GRIA2: variants seen among roughly 807,000 people sequenced by gnomAD.
GRIA2 encodes glutamate receptor 2.
Under a neutral mutation model 97.3 loss-of-function variants are expected in GRIA2, and 14 were observed. The ratio of observed to expected loss-of-function variants is 0.14; its 90% CI spans 0.10 to 0.23. GRIA2 has a LOEUF of 0.23. GRIA2 is among the 10% of genes least tolerant of loss of function. GRIA2 has a pLI of 1.00. For synonymous variants in GRIA2, 412 were observed against 387.8 expected (o/e 1.06, Z -0.73); for missense variants, 558 against 1,069.8 (o/e 0.52, Z 6.67).
chr4:157,235,482 G>A (rs1730202450), intron 2 of GRIA2, among the ~76,000 whole-genome samples: 1 of 151,680 alleles, frequency 6.6e-6, no homozygotes, highest in Non-Finnish European at 1.5e-5. Context: ...CCTATACGTT[G>A]GGCCTAGATT....
intron 2 of GRIA2, among the ~76,000 whole-genome samples, chr4:157,247,840 G>A (rs907272173): frequency 3.9e-5 from 6 of 152,068 alleles, no homozygotes; most frequent in African/African-American, 1.4e-4. Flanking sequence ...GCAGGTGCAG[G>A]CAGAAGGGGC....
chr4:157,305,422 A>G (rs1331499908), intron 3 of GRIA2, among the ~76,000 whole-genome samples: 1 of 152,088 alleles, frequency 6.6e-6, no homozygotes, highest in African/African-American at 2.4e-5. Flanking sequence ...AATTACTGTT[A>G]AAAAATTTTT....
intron 4 of GRIA2, among the ~76,000 whole-genome samples, chr4:157,313,548 C>A (rs1182554186): frequency 6.6e-6 from 1 of 152,006 alleles, no homozygotes; most frequent in Non-Finnish European, 1.5e-5. Context: ...TAAGGTCTTT[C>A]AGGGTAGGGG....
At chr4:157,248,541 ATG>A (rs1217534268) in intron 2 of GRIA2, among the ~76,000 whole-genome samples, 1 of 108,940 alleles carries the variant, frequency 9.2e-6, no homozygotes, top group South Asian at 2.4e-4. Flanking sequence ...GTGTGTGTTT[ATG>A]TGTGTGTGTG....
chr4:157,237,801 G>A (rs572089838), intron 2 of GRIA2, among the ~76,000 whole-genome samples: 11 of 152,208 alleles, frequency 7.2e-5, no homozygotes, highest in South Asian at 2.1e-4. Context: ...GAACATTAAC[G>A]GAGCCCAGAG....
chr4:157,324,565 G>T (rs763032180), intron 6 of GRIA2, among the ~76,000 whole-genome samples: 4 of 152,182 alleles, frequency 2.6e-5, no homozygotes, highest in African/African-American at 9.6e-5. Flanking sequence ...AGAAAAGTGT[G>T]AGAAGTTGCT....
rs1729461126 is a variant in GRIA2 at position 157,220,869 on chromosome 4, A to G, written c.-174A>G. On this transcript the variant is annotated 5_prime_UTR_variant, in exon 1 of 16. Coordinates refer to ENST00000264426, the MANE Select transcript of GRIA2 (RefSeq NM_001083619.3). ...GCGCAGGGCATCAGCAGCCACCAGCAGGACCTGGGAAATAGGGATTCTTCT... is the reference window on the plus strand; with the variant it reads ...GCGCAGGGCATCAGCAGCCACCAGCGGGACCTGGGAAATAGGGATTCTTCT... 5.0e-6 allele frequency: 3 copies of G among 603,528 alleles called. No individual in the cohort carries two copies. Among genetic ancestry groups the G allele is most frequent in the Non-Finnish European group, 8.9e-6 (3 of 337,676 alleles). The allele number at this position is 603,528 out of a possible 1,614,324, so 37.4% of individuals were successfully genotyped here. A position where few individuals can be genotyped will look rare whatever the true frequency, so the allele number is the denominator to read the frequency against.
chr4:157,301,473 A>G (rs1733611478), intron 2 of GRIA2, among the ~76,000 whole-genome samples: 1 of 152,206 alleles, frequency 6.6e-6, no homozygotes, highest in Non-Finnish European at 1.5e-5. Context: ...TTTGTAGAAG[A>G]TTGGTAATAA....
chr4:157,254,095 C>A (rs1454756893), intron 2 of GRIA2, among the ~76,000 whole-genome samples: 5 of 150,446 alleles, frequency 3.3e-5, no homozygotes, highest in African/African-American at 1.2e-4. Flanking sequence ...TTTTTTCTGT[C>A]TAGAAATCCA....
At position 157,347,887 on chromosome 4, in the gene GRIA2, A is replaced by G. The variant is rs1183209519; in HGVS notation, c.2043+6425A>G. Among the ~76,000 whole-genome samples the G allele has an allele frequency of 2.0e-5, 3 of 152,198 alleles. No individual in the cohort carries two copies. The East Asian group carries it at 5.8e-4, about 29-fold the overall frequency. On this transcript the variant is annotated intron_variant, in intron 12 of 15. Coordinates refer to ENST00000264426, the MANE Select transcript of GRIA2 (RefSeq NM_001083619.3). Reference sequence around the variant, plus strand: ...ATGCCTGTAATCCCAACACTTTGGGAGGCCAAGGCAGGCAGATCTCGAGGT... The same window carrying G: ...ATGCCTGTAATCCCAACACTTTGGGGGGCCAAGGCAGGCAGATCTCGAGGT...
chr4:157,280,919 A>G (rs976853468), intron 2 of GRIA2, among the ~76,000 whole-genome samples: 11 of 152,068 alleles, frequency 7.2e-5, no homozygotes, highest in Admixed American at 2.0e-4. Flanking sequence ...AAAGATACAC[A>G]TATTACACAC....
chr4:157,327,346 T>C (rs1734848413), intron 6 of GRIA2, among the ~76,000 whole-genome samples: 1 of 152,150 alleles, frequency 6.6e-6, no homozygotes, highest in African/African-American at 2.4e-5. Flanking sequence ...GCCATAGATT[T>C]CTGCATGTGT....
chr4:157,238,333 A>T (rs1417692386), intron 2 of GRIA2, among the ~76,000 whole-genome samples: 1 of 152,136 alleles, frequency 6.6e-6, no homozygotes, highest in African/African-American at 2.4e-5. Flanking sequence ...CTATGAACTT[A>T]ATGTGGGCTT....
At chr4:157,312,938 G>A in intron 4 of GRIA2, 63 bp downstream of exon 4, 1 of 984,692 alleles carries the variant, frequency 1.0e-6, no homozygotes, top group Non-Finnish European at 1.5e-6. Context: ...GTCAGCATTT[G>A]CAATGTGTAT....
chr4:157,257,089 T>C (rs1177732244), intron 2 of GRIA2, among the ~76,000 whole-genome samples: 1 of 152,030 alleles, frequency 6.6e-6, no homozygotes, highest in Admixed American at 6.6e-5. Flanking sequence ...CAGTTATGCT[T>C]TCAAAATAAC....
chr4:157,255,369 G>A (rs534615757), intron 2 of GRIA2, among the ~76,000 whole-genome samples: 10 of 152,002 alleles, frequency 6.6e-5, no homozygotes, highest in South Asian at 2.1e-4. Context: ...ATAAAAATAC[G>A]AGGGCAGGTA....
At chr4:157,355,179 T>G (rs1206900973) in intron 12 of GRIA2, among the ~76,000 whole-genome samples, 4 of 152,168 alleles carry the variant, frequency 2.6e-5, no homozygotes, top group Non-Finnish European at 4.4e-5. Flanking sequence ...TCATTTCACT[T>G]TATTATACTT....
At chr4:157,293,212 C>T (rs1733184409) in intron 2 of GRIA2, among the ~76,000 whole-genome samples, 1 of 152,102 alleles carries the variant, frequency 6.6e-6, no homozygotes, top group East Asian at 1.9e-4. Context: ...ATCTGTTCTG[C>T]AGAAATAATA....
At chr4:157,320,900 T>C (rs1366539490) in intron 5 of GRIA2, among the ~76,000 whole-genome samples, 1 of 152,128 alleles carries the variant, frequency 6.6e-6, no homozygotes, top group Non-Finnish European at 1.5e-5. Context: ...AGATTTAATA[T>C]ATTCTATAAA....
Sources: allele counts gnomAD v4.1 joint callset (sites outside exome capture counted in the v4.1 genomes callset), GRCh38; gene constraint gnomAD v4.1.1; transcripts MANE v1.5; gene names NCBI Gene and HGNC (gene_info 2026-07-23, HGNC 2026-07-21).